The following PIGU variants were observed in gnomAD, a reference collection of about 807,000 sequenced individuals.
PIGU encodes phosphatidylinositol glycan anchor biosynthesis class U.
Under a neutral mutation model 49.9 loss-of-function variants are expected in PIGU, and 24 were observed. The observed-to-expected ratio is 0.48, with a 90% CI of 0.35 to 0.68. The LOEUF (loss-of-function observed/expected upper bound fraction) is 0.68, where lower values mean the gene tolerates loss of function less well. Among genes scored for constraint, PIGU ranks in the 30% least tolerant of loss-of-function variants. PIGU has a pLI of 0.01. For missense variants in PIGU, 490 were observed against 532.6 expected (o/e 0.92, Z 0.79); for synonymous variants, 220 against 205.7 (o/e 1.07, Z -0.59).
intron 11 of PIGU, among the ~76,000 whole-genome samples, chr20:34,563,624 T>TGGG (rs11292653): frequency 1.3e-4 from 18 of 139,692 alleles, no homozygotes; most frequent in South Asian, 2.4e-4. Flanking sequence ...AATACATCAA[T>TGGG]GGGGGGGGGG....
chr20:34,653,765 T>C (rs1401766103), intron 2 of PIGU, among the ~76,000 whole-genome samples: 1 of 152,050 alleles, frequency 6.6e-6, no homozygotes, highest in Non-Finnish European at 1.5e-5. Context: ...TCATAATGAG[T>C]AAAATAAACA....
chr20:34,643,018 T>G (rs6087612), intron 4 of PIGU, among the ~76,000 whole-genome samples: 59,570 of 151,756 alleles, frequency 0.39, 12,076 homozygotes, highest in Admixed American at 0.56. Context: ...CCTCAGCTTA[T>G]GAAACCCATG....
chr20:34,590,212 T>C (rs1484761917), intron 7 of PIGU, among the ~76,000 whole-genome samples: 1 of 149,300 alleles, frequency 6.7e-6, no homozygotes, highest in Non-Finnish European at 1.5e-5. Flanking sequence ...CAGAAATGAG[T>C]TTAAACAAAT....
chr20:34,620,809 CAAAAAAAAAACAA>C (rs1251760014), intron 6 of PIGU, among the ~76,000 whole-genome samples: 13 of 127,810 alleles, frequency 1.0e-4, no homozygotes, highest in Admixed American at 2.3e-4. Flanking sequence ...TAAAAAAAAA[CAAAAAAAAAACAA>C]AAAAAAAAAA....
intron 2 of PIGU, among the ~76,000 whole-genome samples, chr20:34,645,921 A>T (rs752308329): frequency 5.9e-5 from 9 of 152,094 alleles, no homozygotes; most frequent in South Asian, 2.1e-4. Flanking sequence ...AATAAATAAA[A>T]AATATATAGT....
At chr20:34,634,040 G>A (rs1358347920) in intron 6 of PIGU, among the ~76,000 whole-genome samples, 1 of 152,054 alleles carries the variant, frequency 6.6e-6, no homozygotes, top group Non-Finnish European at 1.5e-5. Context: ...AAAGAGGAAG[G>A]CTGCTATTCT....
chr20:34,608,869 T>C (rs1984711041), intron 7 of PIGU, among the ~76,000 whole-genome samples: 1 of 152,182 alleles, frequency 6.6e-6, no homozygotes, highest in Admixed American at 6.5e-5. Context: ...AACTACCTTA[T>C]ACTAAGCTTC....
At position 34,634,667 on chromosome 20, in the gene PIGU, G is replaced by A. The variant is rs759505094; in HGVS notation, c.477C>T (p.Thr159=). 1 of 1,613,196 alleles carries A rather than the reference G, an allele frequency of 6.2e-7. No individual in the cohort carries two copies. Among genetic ancestry groups the A allele is most frequent in the Admixed American group, 1.7e-5 (1 of 59,968 alleles). Residue 159 remains threonine, a synonymous_variant, in exon 6 of 12, where the codon ACC becomes ACT. Transcript: ENST00000217446. ...YTILSCVAKS[T]CAINNTLIAF... ...CAATGAGGGTGTTGTTGATGGCACAGGTAGACTTGGCAACACAAGACAAAA... is the reference window on the plus strand; with the variant it reads ...CAATGAGGGTGTTGTTGATGGCACAAGTAGACTTGGCAACACAAGACAAAA...
chr20:34,675,942 G>A (rs992557519), intron 1 of PIGU, among the ~76,000 whole-genome samples: 1 of 151,540 alleles, frequency 6.6e-6, no homozygotes, highest in Non-Finnish European at 1.5e-5. Context: ...CTAGGTGCTG[G>A]CTACATGAGT....
intron 1 of PIGU, among the ~76,000 whole-genome samples, chr20:34,674,205 A>C (rs574452091): frequency 6.6e-6 from 1 of 151,766 alleles, no homozygotes; most frequent in Non-Finnish European, 1.5e-5. Flanking sequence ...AAATACAAAA[A>C]TTAGCTGGGC....
At position 34,575,211 on chromosome 20, in the gene PIGU, T is replaced by C. The variant is rs145473483; in HGVS notation, c.1087A>G (p.Ile363Val). ...RNIFVLTCII[I>V]VCSLLFPVLW... ...ACAGGGAAGAGCAGGGAACAGACGATGATGATGCAGGTGAGGACAAAGATG... is the reference window on the plus strand; with the variant it reads ...ACAGGGAAGAGCAGGGAACAGACGACGATGATGCAGGTGAGGACAAAGATG... The change falls in exon 11 of 12, where the codon ATC (isoleucine) becomes GTC (valine). Residue 363 changes from isoleucine to valine, a missense_variant. Transcript: ENST00000217446. 57 of 1,614,060 alleles carry C rather than the reference T, an allele frequency of 3.5e-5. 1 individual carries two copies. The African/African-American group carries it at 5.2e-4, about 15-fold the overall frequency.
chr20:34,588,750 A>C lies in PIGU; in HGVS notation c.628-143T>G, dbSNP rs916240358. 4.1e-6 allele frequency: 3 copies of C among 738,530 alleles called. No homozygotes were observed. In the African/African-American group the frequency reaches 5.4e-5, roughly 13 times the overall value. 45.7% of individuals were successfully genotyped at this position (738,530 alleles called of 1,614,324 possible). ...TGCTTTGGTCTTTAATTAACTAAGA[A>C]GGATGTAAGTGTTAAAAAGGTATTA... On this transcript the variant is annotated intron_variant, in intron 7 of 11. Coordinates refer to ENST00000217446, the MANE Select transcript of PIGU (RefSeq NM_080476.5).
intron 7 of PIGU, 80 bp from the exon 8 acceptor site, chr20:34,588,687 C>T: frequency 7.4e-7 from 1 of 1,348,400 alleles, no homozygotes; most frequent in Non-Finnish European, 1.0e-6. Context: ...AAAGATCCCT[C>T]CCGCAAAACC....
intron 1 of PIGU, among the ~76,000 whole-genome samples, chr20:34,659,043 T>C (rs1600667491): frequency 7.6e-6 from 1 of 131,978 alleles, no homozygotes; most frequent in African/African-American, 2.8e-5. Flanking sequence ...GGAGCCCCTC[T>C]GCCCGGCCAG....
chr20:34,646,824 T>G lies in PIGU; in HGVS notation c.196-1490A>C, dbSNP rs189592631. On this transcript the variant is annotated intron_variant, in intron 2 of 11. Coordinates refer to ENST00000217446, the MANE Select transcript of PIGU (RefSeq NM_080476.5). ...TTCCAAATACTTAGGAGTTTTCTTT[T>G]CTTTTCTTTTTTTTTTGAGACAGAC... Among the ~76,000 whole-genome samples the G allele has an allele frequency of 2.6e-5, 4 of 152,192 alleles. No individual in the cohort carries two copies. In the East Asian group the frequency reaches 7.7e-4, roughly 29 times the overall value.
intron 6 of PIGU, among the ~76,000 whole-genome samples, chr20:34,621,401 G>A (rs893812259): frequency 6.6e-6 from 1 of 152,164 alleles, no homozygotes; most frequent in African/African-American, 2.4e-5. Context: ...TTGAGGGTTT[G>A]TTGTGGCAGA....
chr20:34,662,935 C>A (rs1986972818), intron 1 of PIGU, among the ~76,000 whole-genome samples: 1 of 152,090 alleles, frequency 6.6e-6, no homozygotes, highest in Admixed American at 6.6e-5. Context: ...GAGACAGGGT[C>A]TCGCTCTGTC....
At chr20:34,592,575 T>C (rs1286263323) in intron 7 of PIGU, among the ~76,000 whole-genome samples, 1 of 152,120 alleles carries the variant, frequency 6.6e-6, no homozygotes, top group Non-Finnish European at 1.5e-5. Flanking sequence ...ATGGAAACAT[T>C]CTATGAAAAA....
At chr20:34,611,560 C>T (rs768776269) in intron 7 of PIGU, among the ~76,000 whole-genome samples, 12 of 147,284 alleles carry the variant, frequency 8.1e-5, no homozygotes, top group South Asian at 2.2e-4. Context: ...GCAGGAGAAT[C>T]GCTTGAACCT....
Sources: gnomAD v4.1 joint callset for allele counts (sites outside exome capture counted in the v4.1 genomes callset) on GRCh38, gnomAD v4.1.1 for gene constraint, MANE v1.5 for transcripts, NCBI Gene and HGNC (gene_info 2026-07-23, HGNC 2026-07-21) for gene names.